PIP4K2A: variants seen among roughly 807,000 people sequenced by gnomAD.
The protein encoded by PIP4K2A is phosphatidylinositol 5-phosphate 4-kinase type-2 alpha.
PIP4K2A carries 14 observed loss-of-function variants against 42.9 expected under a neutral mutation model. The ratio of observed to expected loss-of-function variants is 0.33; its 90% CI spans 0.22 to 0.51. The LOEUF is 0.51. Among genes scored for constraint, PIP4K2A ranks in the 20% least tolerant of loss-of-function variants. The pLI, the probability that PIP4K2A is intolerant of heterozygous loss-of-function variation, is 0.97. For synonymous variants in PIP4K2A, 192 were observed against 192.2 expected, an observed-to-expected ratio of 1.00 and a Z score of 0.01; for missense variants, 434 against 519.8, an observed-to-expected ratio of 0.83 and a Z score of 1.61.
intron 4 of PIP4K2A, among the ~76,000 whole-genome samples, chr10:22,580,027 C>T (rs1008651362): frequency 2.0e-5 from 3 of 151,748 alleles, no homozygotes; most frequent in Admixed American, 6.6e-5. Flanking sequence ...CAGCCAAGGC[C>T]CCGAGGTGAG....
At chr10:22,647,491 G>T (rs1450735401) in intron 1 of PIP4K2A, among the ~76,000 whole-genome samples, 2 of 152,008 alleles carry the variant, frequency 1.3e-5, no homozygotes, top group African/African-American at 4.8e-5. Flanking sequence ...CCTGGGATTT[G>T]ATGGCAGAGG....
chr10:22,598,162 A>T (rs1234029474), intron 3 of PIP4K2A, among the ~76,000 whole-genome samples: 2 of 152,190 alleles, frequency 1.3e-5, no homozygotes, highest in Admixed American at 1.3e-4. Flanking sequence ...GTTTGGGACC[A>T]GCCTGGGCAG....
intron 1 of PIP4K2A, among the ~76,000 whole-genome samples, chr10:22,680,562 A>T (rs953350244): frequency 2.0e-5 from 3 of 149,828 alleles, no homozygotes; most frequent in African/African-American, 7.2e-5. Flanking sequence ...AATGACAATA[A>T]AAAGGCTAGC....
At chr10:22,567,701 C>T in intron 6 of PIP4K2A, 150 bp downstream of exon 6, 1 of 783,546 alleles carries the variant, frequency 1.3e-6, no homozygotes, top group Non-Finnish European at 2.4e-6. Context: ...CTCATCGGGT[C>T]AATACAGTGT....
chr10:22,575,294 C>T (rs528238177), intron 4 of PIP4K2A, among the ~76,000 whole-genome samples: 65 of 152,230 alleles, frequency 4.3e-4, no homozygotes, highest in Non-Finnish European at 7.4e-4. Flanking sequence ...GGGTCTGCTC[C>T]GAGGCAGTTA....
At chr10:22,612,624 A>G (rs1410390963) in intron 1 of PIP4K2A, among the ~76,000 whole-genome samples, 2 of 152,112 alleles carry the variant, frequency 1.3e-5, no homozygotes, top group African/African-American at 2.4e-5. Flanking sequence ...CGAAAGAAGC[A>G]GAGAGACTCC....
chr10:22,685,686 A>C (rs1839750860), intron 1 of PIP4K2A, among the ~76,000 whole-genome samples: 1 of 152,154 alleles, frequency 6.6e-6, no homozygotes, highest in African/African-American at 2.4e-5. Context: ...CCACCACTGC[A>C]TTCCAGCCTG....
intron 1 of PIP4K2A, among the ~76,000 whole-genome samples, chr10:22,664,170 T>TATATATACACATATATATATATATAC (rs1839293168): frequency 3.2e-5 from 2 of 61,818 alleles, no homozygotes; most frequent in East Asian, 3.2e-4. Context: ...TATATATACA[T>TATATATACACATATATATATATATAC]ATATATATAT....
chr10:22,627,687 A>C (rs1368963147), intron 1 of PIP4K2A, among the ~76,000 whole-genome samples: 1 of 147,486 alleles, frequency 6.8e-6, no homozygotes, highest in Non-Finnish European at 1.5e-5. Context: ...TACATGACAC[A>C]TTGTGCTTTC....
intron 1 of PIP4K2A, among the ~76,000 whole-genome samples, chr10:22,620,887 CAT>C (rs1290747315): frequency 2.6e-5 from 4 of 152,242 alleles, no homozygotes; most frequent in Admixed American, 6.5e-5. Context: ...GGAAGACACA[CAT>C]AACCTCTTTA....
At chr10:22,573,119 C>T (rs953316729) in intron 5 of PIP4K2A, among the ~76,000 whole-genome samples, 192 bp downstream of exon 5, 3 of 152,194 alleles carry the variant, frequency 2.0e-5, no homozygotes, top group Non-Finnish European at 4.4e-5. Context: ...TGTGATATCT[C>T]TAACATGTGC....
At chr10:22,705,524 T>C (rs956874891) in intron 1 of PIP4K2A, among the ~76,000 whole-genome samples, 2 of 134,704 alleles carry the variant, frequency 1.5e-5, no homozygotes, top group African/African-American at 5.6e-5. Context: ...GAGGTAGGCC[T>C]AAATTCCCCC....
chr10:22,663,945 G>A (rs1010316130), intron 1 of PIP4K2A, among the ~76,000 whole-genome samples: 41 of 147,306 alleles, frequency 2.8e-4, no homozygotes, highest in Non-Finnish European at 4.8e-4. Context: ...TTCCTAATTA[G>A]CTAAATCATA....
intron 6 of PIP4K2A, among the ~76,000 whole-genome samples, chr10:22,552,153 CTGAG>C (rs1168820184): frequency 6.6e-6 from 1 of 152,138 alleles, no homozygotes; most frequent in Non-Finnish European, 1.5e-5. Context: ...TCAGCAGTTA[CTGAG>C]TGAGTCAAGT....
rs114725589 is a variant in PIP4K2A, at chr10:22,710,131, G to C, written c.144+4052C>G. On this transcript the variant is annotated intron_variant, in intron 1 of 9. Coordinates refer to ENST00000376573, the MANE Select transcript of PIP4K2A (RefSeq NM_005028.5). ...TTGTCTATTCCAAAAACCAGAGCTT[G>C]TGGAGAATATAATCAAAGCTACTGA... is the stretch of plus-strand genomic sequence containing the variant. Among the ~76,000 whole-genome samples, 842 of 151,134 alleles carry C rather than the reference G, an allele frequency of 5.6e-3. 12 individuals are homozygous for C. The highest frequency in any genetic ancestry group is 0.019 in the African/African-American group (794 of 41,168).
In PIP4K2A at chr10:22,664,154, CATATATATATAT is replaced by C. The variant is rs66781717; in HGVS notation, c.144+50017_144+50028del. Among the ~76,000 whole-genome samples the C allele has an allele frequency of 2.2e-3, 139 of 62,266 alleles. 9 individuals carry two copies. Among genetic ancestry groups the C allele is most frequent in the East Asian group, 0.012 (35 of 2,958 alleles). The allele number at this position is 62,266 out of a possible 152,430, so 40.8% of individuals were successfully genotyped here. A position where few individuals can be genotyped will look rare whatever the true frequency, so the allele number is the denominator to read the frequency against. On this transcript the variant is annotated intron_variant, in intron 1 of 9. Coordinates refer to ENST00000376573, the MANE Select transcript of PIP4K2A (RefSeq NM_005028.5). ...ACATATATATATACATATATATACA[CATATATATATAT>C]ACATATATATATATACATATATATA...
chr10:22,626,766 T>A (rs888594671), intron 1 of PIP4K2A, among the ~76,000 whole-genome samples: 1 of 152,196 alleles, frequency 6.6e-6, no homozygotes, highest in Non-Finnish European at 1.5e-5. Flanking sequence ...AACAGGATAT[T>A]TTCATCTATA....
intron 1 of PIP4K2A, among the ~76,000 whole-genome samples, chr10:22,620,669 C>T (rs73598583): frequency 0.022 from 3,338 of 152,282 alleles, 123 homozygotes; most frequent in African/African-American, 0.075. Flanking sequence ...GCACCGGGCC[C>T]GGCATCACTC....
At chr10:22,714,150 G>T (rs550114802) in intron 1 of PIP4K2A, 33 bp downstream of exon 1, 5 of 1,583,224 alleles carry the variant, frequency 3.2e-6, no homozygotes, top group Non-Finnish European at 4.3e-6. Flanking sequence ...GGAGGAGGAG[G>T]AAGGGGACCG....
Sources: gnomAD v4.1 joint callset for allele counts (sites outside exome capture counted in the v4.1 genomes callset) on GRCh38, gnomAD v4.1.1 for gene constraint, MANE v1.5 for transcripts, NCBI Gene and HGNC (gene_info 2026-07-23, HGNC 2026-07-21) for gene names.